PKHD1: variants seen among roughly 807,000 people sequenced by gnomAD.
PKHD1 encodes the protein PKHD1 ciliary IPT domain containing fibrocystin/polyductin.
PKHD1 carries 291 observed loss-of-function variants against 412.0 expected under a neutral mutation model. That is an observed-to-expected ratio of 0.71 (90% CI 0.64 to 0.78). The LOEUF (loss-of-function observed/expected upper bound fraction) is 0.78, where lower values mean the gene tolerates loss of function less well. Among genes scored for constraint, PKHD1 ranks in the 30% least tolerant of loss-of-function variants. The pLI is 0.00. For missense variants in PKHD1, 4,825 were observed against 4,950.7 expected, an observed-to-expected ratio of 0.97 and a Z score of 0.76; for synonymous variants, 1,777 against 1,821.5, an observed-to-expected ratio of 0.98 and a Z score of 0.62.
In PKHD1 at chr6:51,911,789, A is replaced by T; in HGVS notation, c.6490+10T>A. The T allele has an allele frequency of 6.2e-7, 1 of 1,610,128 alleles. No individual in the cohort carries two copies. Among genetic ancestry groups the T allele is most frequent in the African/African-American group, 1.3e-5 (1 of 74,840 alleles). On this transcript the variant is annotated intron_variant, in intron 39 of 66. Transcript: ENST00000371117. Reference sequence around the variant, plus strand: ...TGCTCATTAGACTTTCCAACAAAACACTCTTCTACCTTCTGGAGCATTGGC... The same window carrying T: ...TGCTCATTAGACTTTCCAACAAAACTCTCTTCTACCTTCTGGAGCATTGGC...
chr6:51,989,662 T>C (rs563709055), intron 35 of PKHD1, among the ~76,000 whole-genome samples: 1 of 152,154 alleles, frequency 6.6e-6, no homozygotes, highest in African/African-American at 2.4e-5. Context: ...ATCATTATCC[T>C]ACAGAGAGGA....
At chr6:52,073,397 G>T in intron 7 of PKHD1, 66 bp downstream of exon 7, 1 of 967,288 alleles carries the variant, frequency 1.0e-6, no homozygotes, top group Non-Finnish European at 1.7e-6. Flanking sequence ...CATCAGGGAA[G>T]CTGGTCCCAG....
chr6:51,822,387 C>G (rs181918520), intron 52 of PKHD1, among the ~76,000 whole-genome samples: 1 of 152,146 alleles, frequency 6.6e-6, no homozygotes, highest in Non-Finnish European at 1.5e-5. Flanking sequence ...TGTTAACCAC[C>G]TCCATCATCG....
Position 51,702,372 on chromosome 6 carries a change from C to T in PKHD1, c.10156+42013G>A, listed in dbSNP as rs541971013. 1.7e-4 allele frequency among the ~76,000 whole-genome samples: 26 copies of T among 151,468 alleles called. 2 individuals are homozygous for T. The East Asian group carries it at 1.9e-3, about 11-fold the overall frequency. On this transcript the variant is annotated intron_variant, in intron 60 of 66. Transcript: ENST00000371117. ...GTATGATCTCACTCATAAGTGGGAGCTAAGCTATGAGGATGCAAAGGCGTA... is the reference window on the plus strand; with the variant it reads ...GTATGATCTCACTCATAAGTGGGAGTTAAGCTATGAGGATGCAAAGGCGTA...
chr6:52,043,523 T>G, intron 26 of PKHD1, 102 bp downstream of exon 26: 2 of 823,074 alleles, frequency 2.4e-6, no homozygotes, highest in Non-Finnish European at 2.1e-6. Flanking sequence ...CCTAATGAAC[T>G]AATTTATCTT....
At chr6:51,765,964 G>A (rs1261111554) in intron 55 of PKHD1, among the ~76,000 whole-genome samples, 1 of 152,030 alleles carries the variant, frequency 6.6e-6, no homozygotes, top group Non-Finnish European at 1.5e-5. Flanking sequence ...TTATGCTTCA[G>A]GGAAGCCTTC....
At chr6:51,956,077 C>T (rs9463744) in intron 36 of PKHD1, among the ~76,000 whole-genome samples, 5,508 of 152,088 alleles carry the variant, frequency 0.036, 362 homozygotes, top group African/African-American at 0.13. Flanking sequence ...AAGAGGTTTA[C>T]AGCTATGTTA....
intron 65 of PKHD1, 40 bp downstream of exon 65, chr6:51,632,525 T>A: frequency 6.4e-7 from 1 of 1,557,116 alleles, no homozygotes; most frequent in Admixed American, 1.7e-5. Flanking sequence ...GACTTTTTTT[T>A]CAGAAATTTT....
intron 37 of PKHD1, among the ~76,000 whole-genome samples, chr6:51,918,570 G>A (rs113413290): frequency 1.2e-3 from 184 of 152,196 alleles, no homozygotes; most frequent in Non-Finnish European, 1.7e-3. Context: ...TAGATGTGCC[G>A]CATTTTCTTT....
chr6:52,007,564 T>C (rs1035752937), intron 35 of PKHD1, among the ~76,000 whole-genome samples: 1 of 152,178 alleles, frequency 6.6e-6, no homozygotes, highest in African/African-American at 2.4e-5. Context: ...CAAGCCCAGG[T>C]AGGGTAATCA....
At chr6:52,052,568 A>T (rs1807029914) in intron 21 of PKHD1, among the ~76,000 whole-genome samples, 1 of 152,204 alleles carries the variant, frequency 6.6e-6, no homozygotes, top group African/African-American at 2.4e-5. Context: ...CCATTTACAG[A>T]GACAGACACT....
chr6:51,660,035 C>A, intron 60 of PKHD1, 66 bp from the exon 61 acceptor site: 1 of 980,278 alleles, frequency 1.0e-6, no homozygotes, highest in Admixed American at 1.9e-5. Flanking sequence ...TATTTGTAAT[C>A]CATCACTCTT....
At chr6:51,651,323 T>C (rs1445618100) in intron 61 of PKHD1, among the ~76,000 whole-genome samples, 1 of 152,160 alleles carries the variant, frequency 6.6e-6, no homozygotes, top group East Asian at 1.9e-4. Context: ...TACTGTTTTT[T>C]ACGATATGTT....
At chr6:51,837,733 AATAAAAT>A in intron 50 of PKHD1, among the ~76,000 whole-genome samples, 1 of 152,102 alleles carries the variant, frequency 6.6e-6, no homozygotes, top group African/African-American at 2.4e-5. Context: ...GAAAAATAAA[AATAAAAT>A]ATAAGCCTCA....
intron 50 of PKHD1, among the ~76,000 whole-genome samples, chr6:51,842,711 C>T (rs1770438364): frequency 6.6e-6 from 1 of 152,160 alleles, no homozygotes; most frequent in Admixed American, 6.5e-5. Context: ...ATGAAGACCT[C>T]CTCCTGGCCA....
At chr6:52,065,945 G>A in intron 12 of PKHD1, 31 bp downstream of exon 12, 1 of 1,022,624 alleles carries the variant, frequency 9.8e-7, no homozygotes, top group Non-Finnish European at 1.6e-6. Flanking sequence ...CTAAAACTAT[G>A]AACTATTTTC....
chr6:51,887,757 C>T (rs1778447987), intron 43 of PKHD1, among the ~76,000 whole-genome samples: 1 of 152,176 alleles, frequency 6.6e-6, no homozygotes, highest in South Asian at 2.1e-4. Context: ...TCCTGTATAG[C>T]CTGCAGAACC....
chr6:52,055,839 C>T (rs545336174), intron 18 of PKHD1, 110 bp from the exon 19 acceptor site: 13 of 1,151,592 alleles, frequency 1.1e-5, no homozygotes, highest in Admixed American at 1.1e-4. Flanking sequence ...AGAAAACCCC[C>T]GTTCTAACCC....
chr6:51,898,910 A>T (rs1041415619), intron 43 of PKHD1, among the ~76,000 whole-genome samples: 24 of 152,320 alleles, frequency 1.6e-4, no homozygotes, highest in African/African-American at 5.8e-4. Context: ...AAACTAGAAA[A>T]TTTAGAAGAA....
Sources: allele counts gnomAD v4.1 joint callset (sites outside exome capture counted in the v4.1 genomes callset), GRCh38; gene constraint gnomAD v4.1.1; transcripts MANE v1.5; gene names NCBI Gene and HGNC (gene_info 2026-07-23, HGNC 2026-07-21).